EFHB: variants seen among roughly 807,000 people sequenced by gnomAD.
EFHB encodes the protein EF-hand domain-containing family member B.
A neutral mutation model predicts 87.2 loss-of-function variants in EFHB; 91 were observed. That is an observed-to-expected ratio of 1.04 (90% confidence interval 0.88 to 1.24). The LOEUF is 1.24. Ranked by LOEUF, EFHB falls within the 50% of genes most tolerant of loss-of-function variation. The pLI is 0.00. For missense variants in EFHB, 1,084 were observed against 998.8 expected, an observed-to-expected ratio of 1.09 and a Z score of -1.15; for synonymous variants, 325 against 333.6, an observed-to-expected ratio of 0.97 and a Z score of 0.28.
At chr3:19,927,939 T>C (rs1276558301) in intron 1 of EFHB, among the ~76,000 whole-genome samples, 2 of 148,788 alleles carry the variant, frequency 1.3e-5, no homozygotes, top group South Asian at 2.1e-4. Flanking sequence ...AATACTATAG[T>C]ATATATATAG....
intron 1 of EFHB, among the ~76,000 whole-genome samples, chr3:19,926,424 C>T (rs1039128938): frequency 2.0e-5 from 3 of 152,074 alleles, no homozygotes; most frequent in South Asian, 2.1e-4. Context: ...AGTGCAGTGG[C>T]GCAATCTCGG....
intron 1 of EFHB, among the ~76,000 whole-genome samples, chr3:19,932,945 T>C (rs957521491): frequency 3.9e-5 from 6 of 152,164 alleles, no homozygotes; most frequent in African/African-American, 1.2e-4. Flanking sequence ...TATTTCAATA[T>C]GTGAGAGGCT....
In EFHB at chr3:19,934,170, C is replaced by G. The variant is rs1026013126; in HGVS notation, c.-152G>C. 1 of 1,442,936 alleles carries G rather than the reference C, an allele frequency of 6.9e-7. No homozygotes were observed. Among genetic ancestry groups the G allele is most frequent in the African/African-American group, 1.4e-5 (1 of 69,914 alleles). The allele number at this position is 1,442,936 out of a possible 1,614,324, so 89.4% of individuals were successfully genotyped here. A position where few individuals can be genotyped will look rare whatever the true frequency, so the allele number is the denominator to read the frequency against. On this transcript the variant is annotated 5_prime_UTR_variant, in exon 1 of 13. Transcript: ENST00000295824. The stretch of plus-strand genomic sequence containing the variant: ...CGGACTCCCTGTCCATTGCTTCCTG[C>G]CTGCCTCTTAACACCTAGCCGAGTT...
intron 12 of EFHB, among the ~76,000 whole-genome samples, chr3:19,880,278 C>T (rs2071641568): frequency 8.0e-6 from 1 of 124,338 alleles, no homozygotes; most frequent in South Asian, 2.2e-4. Context: ...GAGACAGAGT[C>T]TCACTCTGTT....
chr3:19,944,717 G>A (rs1348820403), intron 1 of EFHB, among the ~76,000 whole-genome samples: 1 of 152,062 alleles, frequency 6.6e-6, no homozygotes, highest in African/African-American at 2.4e-5. Context: ...GCAACATACT[G>A]GAACGATGAA....
At chr3:19,939,370 CTTTTTTTTTTTT>C (rs147510880) in intron 1 of EFHB, among the ~76,000 whole-genome samples, 16 of 64,582 alleles carry the variant, frequency 2.5e-4, no homozygotes, top group African/African-American at 6.3e-4. Context: ...GTTGGGTCTC[CTTTTTTTTTTTT>C]TTTTTTTTTT....
chr3:19,903,193 C>G (rs1377521029), intron 6 of EFHB, among the ~76,000 whole-genome samples: 12 of 150,720 alleles, frequency 8.0e-5, no homozygotes, highest in African/African-American at 2.9e-4. Context: ...AAAAAAAATA[C>G]AAAATGTATG....
At chr3:19,934,457 G>A (rs940870023), upstream of EFHB, among the ~76,000 whole-genome samples, 2 of 108,150 alleles carry the variant, frequency 1.8e-5, no homozygotes, top group African/African-American at 7.5e-5. Flanking sequence ...CTCCCTCTCT[G>A]TGTGTCTCTC....
chr3:19,893,774 A>T (rs1008425444), intron 9 of EFHB, among the ~76,000 whole-genome samples: 1 of 152,170 alleles, frequency 6.6e-6, no homozygotes, highest in Non-Finnish European at 1.5e-5. Flanking sequence ...CAGTCATTCC[A>T]CAAGGTGAGC....
chr3:19,898,946 T>C, intron 7 of EFHB, 101 bp from the exon 8 acceptor site: 3 of 1,157,124 alleles, frequency 2.6e-6, no homozygotes, highest in South Asian at 2.8e-5. Flanking sequence ...ATATTTTATC[T>C]CATAACCAAA....
At chr3:19,908,654 A>T (rs9854666) in intron 5 of EFHB, among the ~76,000 whole-genome samples, 3,091 of 148,900 alleles carry the variant, frequency 0.021, 113 homozygotes, top group African/African-American at 0.07. Context: ...GAAAGAAAGA[A>T]AAAGAAAGTT....
upstream of EFHB, chr3:19,936,237 C>A: frequency 2.5e-6 from 2 of 788,042 alleles, no homozygotes; most frequent in South Asian, 1.5e-5. Flanking sequence ...GTAGTCTCAG[C>A]TATCTGAGAG....
chr3:19,918,383 A>G lies in EFHB; in HGVS notation c.1026T>C (p.Ile342=), dbSNP rs1198621388. The G allele has an allele frequency of 2.5e-6, 4 of 1,608,934 alleles. No individual in the cohort carries two copies. In the Admixed American group the frequency reaches 6.8e-5, roughly 27 times the overall value. The change falls in exon 4 of 13, where the codon ATT becomes ATC. Residue 342 remains isoleucine (I), a synonymous_variant. Transcript: ENST00000295824. ...LANTLINPQP[I]TTFQQKIKDK... ...CTTTAATTTTCTGTTGAAATGTGGT[A>G]ATAGGCTGTGGGTTTATCAATGTGT...
intron 5 of EFHB, among the ~76,000 whole-genome samples, chr3:19,908,598 G>GAGAAAGAAAGAAAGAAAGAA (rs767343345): frequency 1.3e-5 from 1 of 77,796 alleles, no homozygotes; most frequent in Non-Finnish European, 2.4e-5. Flanking sequence ...GAGAGAGAGA[G>GAGAAAGAAAGAAAGAAAGAA]AGAAAGAAAG....
intron 2 of EFHB, 101 bp from the exon 3 acceptor site, chr3:19,920,077 G>A (rs749653713): frequency 6.4e-5 from 76 of 1,194,118 alleles, no homozygotes; most frequent in Non-Finnish European, 8.8e-5. Flanking sequence ...GTGCATGTAT[G>A]TAGTAAATGC....
intron 2 of EFHB, 71 bp from the exon 3 acceptor site, chr3:19,920,047 C>T: frequency 6.6e-7 from 1 of 1,521,888 alleles, no homozygotes; most frequent in Non-Finnish European, 9.0e-7. Flanking sequence ...TGATCTATAC[C>T]AATCAACCAA....
intron 1 of EFHB, chr3:19,942,162 A>C (rs1696175097): frequency 6.6e-6 from 1 of 152,208 alleles, no homozygotes; most frequent in Admixed American, 6.5e-5. Flanking sequence ...CAAGAAAATA[A>C]ATAAATAAAA....
At position 19,888,553 on chromosome 3, in the gene EFHB, G is replaced by A. The variant is rs1163537792; in HGVS notation, c.1824C>T (p.Tyr608=). 6.3e-7 allele frequency: 1 copy of A among 1,597,034 alleles called. No individual in the cohort carries two copies. The highest frequency in any genetic ancestry group is 1.3e-5 in the African/African-American group (1 of 74,704). Residue 608 remains tyrosine, a synonymous_variant, in exon 10 of 13, where the codon TAC becomes TAT. Coordinates refer to ENST00000295824, the MANE Select transcript of EFHB (RefSeq NM_144715.4). The stretch of plus-strand genomic sequence containing the variant: ...TGAAGCCATCATTATCCACATCACA[G>A]TAGTCAAATAGCTGGTCCAGGAGCT... ...DDKLLDQLFD[Y]CDVDNDGFIN...
intron 1 of EFHB, among the ~76,000 whole-genome samples, chr3:19,923,042 C>A (rs938222477): frequency 6.6e-6 from 1 of 152,036 alleles, no homozygotes; most frequent in Non-Finnish European, 1.5e-5. Context: ...CAAAGGCGGG[C>A]GGATCACAAG....
Sources: gnomAD v4.1 joint callset for allele counts (sites outside exome capture counted in the v4.1 genomes callset) on GRCh38, gnomAD v4.1.1 for gene constraint, MANE v1.5 for transcripts, NCBI Gene and HGNC (gene_info 2026-07-23, HGNC 2026-07-21) for gene names.